The following ANKRD55 variants were observed in gnomAD, a reference collection of about 807,000 sequenced individuals.
ANKRD55 encodes ankyrin repeat domain 55.
In ANKRD55, 41 loss-of-function variants were observed where a neutral mutation model predicts 60.6. The ratio of observed to expected loss-of-function variants is 0.68; its 90% CI spans 0.53 to 0.88. The LOEUF is 0.88. Among genes scored for constraint, ANKRD55 ranks in the 40% least tolerant of loss-of-function variants. The probability of loss-of-function intolerance (pLI) is 0.00; values close to 1 mark genes in which losing one functional copy is unlikely to be tolerated. For missense variants in ANKRD55, 732 were observed against 767.6 expected (o/e 0.95, Z 0.55); for synonymous variants, 264 against 290.3 (o/e 0.91, Z 0.92).
chr5:56,184,411 A>T (rs1200866896), intron 2 of ANKRD55, among the ~76,000 whole-genome samples: 1 of 152,194 alleles, frequency 6.6e-6, no homozygotes, highest in East Asian at 1.9e-4. Context: ...GAGCTTCAGC[A>T]TCCCTAGTTC....
chr5:56,167,781 G>A (rs1328317446), intron 5 of ANKRD55, among the ~76,000 whole-genome samples: 1 of 152,148 alleles, frequency 6.6e-6, no homozygotes, highest in Non-Finnish European at 1.5e-5. Flanking sequence ...TGCTCTCCTA[G>A]TTATAGCAAC....
chr5:56,123,239 G>C (rs1757132386), intron 8 of ANKRD55, among the ~76,000 whole-genome samples: 2 of 152,096 alleles, frequency 1.3e-5, no homozygotes, highest in Non-Finnish European at 2.9e-5. Context: ...TCTCAGGCCT[G>C]GAGGCAGCCT....
chr5:56,161,970 G>A, intron 5 of ANKRD55: 1 of 985,328 alleles, frequency 1.0e-6, no homozygotes, highest in Non-Finnish European at 1.2e-6. Context: ...GTGAGTGGGG[G>A]CAGGGCTTAC....
chr5:56,148,264 G>A (rs1448542776), intron 6 of ANKRD55, among the ~76,000 whole-genome samples: 4 of 152,178 alleles, frequency 2.6e-5, no homozygotes, highest in African/African-American at 9.7e-5. Flanking sequence ...TTCACTGAGG[G>A]ATAAACTGAG....
Position 56,102,483 on chromosome 5 carries a change from A to G in ANKRD55, c.1723+11T>C. 5.7e-6 allele frequency: 9 copies of G among 1,580,014 alleles called. No homozygotes were observed. The highest frequency in any genetic ancestry group is 7.8e-6 in the Non-Finnish European group (9 of 1,149,818). ...TTGCAAAGGAAGCTGCGGAAGATTC[A>G]TAATACTTACATTTTTGATCTGGTA... On this transcript the variant is annotated intron_variant, in intron 11 of 11. Coordinates refer to ENST00000341048, the MANE Select transcript of ANKRD55 (RefSeq NM_024669.3).
intron 9 of ANKRD55, among the ~76,000 whole-genome samples, chr5:56,112,734 C>T (rs1004335529): frequency 6.6e-6 from 1 of 152,130 alleles, no homozygotes; most frequent in Non-Finnish European, 1.5e-5. Flanking sequence ...TTTGAGGCTC[C>T]AATTGACTTA....
At chr5:56,135,243 CT>C in intron 7 of ANKRD55, among the ~76,000 whole-genome samples, 1 of 84,368 alleles carries the variant, frequency 1.2e-5, no homozygotes, top group Non-Finnish European at 2.9e-5. Flanking sequence ...TCCTTCCTTC[CT>C]TCCTTCCTTC....
chr5:56,188,686 T>G (rs1440804712), intron 2 of ANKRD55, among the ~76,000 whole-genome samples: 2 of 152,228 alleles, frequency 1.3e-5, no homozygotes, highest in Non-Finnish European at 2.9e-5. Flanking sequence ...GTGGCTGTTT[T>G]TATGCCAGTA....
chr5:56,163,668 C>T (rs540251521), intron 5 of ANKRD55, among the ~76,000 whole-genome samples: 5 of 152,282 alleles, frequency 3.3e-5, no homozygotes, highest in Middle Eastern at 3.4e-3. Context: ...TGACCTTGGG[C>T]GAGCTCCCAG....
chr5:56,166,117 T>TCTTCTTTCTTTCTTTCTTTCTTC (rs1561277711), intron 5 of ANKRD55, among the ~76,000 whole-genome samples: 5 of 85,354 alleles, frequency 5.9e-5, no homozygotes, highest in Non-Finnish European at 1.1e-4. Context: ...TTTCTTTCTT[T>TCTTCTTTCTTTCTTTCTTTCTTC]CTTTCTTTCT....
chr5:56,144,053 C>A, intron 6 of ANKRD55, 124 bp from the exon 7 acceptor site: 1 of 1,118,128 alleles, frequency 8.9e-7, no homozygotes, highest in Non-Finnish European at 1.3e-6. Context: ...CCTGCTGGTT[C>A]ATTCATTCAT....
chr5:56,131,335 A>G (rs1757405398), intron 7 of ANKRD55, among the ~76,000 whole-genome samples: 1 of 152,202 alleles, frequency 6.6e-6, no homozygotes, highest in Non-Finnish European at 1.5e-5. Flanking sequence ...ACAAGCAAGA[A>G]GAGACTGGAG....
At position 56,220,748 on chromosome 5, in the gene ANKRD55, G is replaced by A. The variant is rs535333609; in HGVS notation, c.58+12108C>T. Among the ~76,000 whole-genome samples, 3 of 152,306 alleles carry A rather than the reference G, an allele frequency of 2.0e-5. 1 individual carries two copies. Among genetic ancestry groups the A allele is most frequent in the South Asian group, 4.1e-4 (2 of 4,826 alleles). On this transcript the variant is annotated intron_variant, in intron 2 of 11. Transcript: ENST00000341048. ...GAACTGCTTGAACCCAGGAGGCAGA[G>A]GTTGCAGTGAGCCAAGACCATGCCA...
Position 56,116,745 on chromosome 5 carries a change from C to T in ANKRD55, c.835G>A (p.Glu279Lys), listed in dbSNP as rs146546015. The T allele has an allele frequency of 9.0e-3, 14,567 of 1,613,448 alleles. 91 individuals carry two copies. The highest frequency in any genetic ancestry group is 9.4e-3 in the Non-Finnish European group (11,051 of 1,179,714). ...LHWAAAAGKA[E>K]CVQSLLELGM... ...AACTCCAGCAGTGACTGGACACATT[C>T]GGCCTTCCCTGCAGCTGCAGCCCAG... The change falls in exon 9 of 12, where the codon GAA becomes AAA. Residue 279 changes from glutamate to lysine, a missense_variant. This residue lies in a region of ANKRD55 where 597 missense variants were observed against 607.5 expected (regional missense o/e 0.98). Coordinates refer to ENST00000341048, the MANE Select transcript of ANKRD55 (RefSeq NM_024669.3).
At chr5:56,143,372 G>A (rs1230635999) in intron 7 of ANKRD55, among the ~76,000 whole-genome samples, 1 of 152,106 alleles carries the variant, frequency 6.6e-6, no homozygotes, top group Admixed American at 6.6e-5. Flanking sequence ...AGTGATGCAG[G>A]GTCATGAGCC....
rs114709218 is a variant in ANKRD55 at position 56,197,891 on chromosome 5, G to A, written c.59-14257C>T. ...GAGTATTAATTTTTCACTTCTTTGA[G>A]ACTGTCAAACCATAGTTATTAGCAG... On this transcript the variant is annotated intron_variant, in intron 2 of 11. Coordinates refer to ENST00000341048, the MANE Select transcript of ANKRD55 (RefSeq NM_024669.3). 6.5e-3 allele frequency among the ~76,000 whole-genome samples: 985 copies of A among 152,270 alleles called. 8 individuals carry two copies. Among genetic ancestry groups the A allele is most frequent in the African/African-American group, 0.022 (931 of 41,554 alleles).
At chr5:56,161,214 A>G (rs952354594) in intron 5 of ANKRD55, among the ~76,000 whole-genome samples, 7 of 151,900 alleles carry the variant, frequency 4.6e-5, no homozygotes, top group East Asian at 1.9e-4. Flanking sequence ...AGGTCTGGAG[A>G]AGCCCAGCTT....
chr5:56,228,032 G>A (rs77795838), intron 2 of ANKRD55, among the ~76,000 whole-genome samples: 5,971 of 152,234 alleles, frequency 0.039, 152 homozygotes, highest in African/African-American at 0.074. Context: ...ACAGTGTTGC[G>A]TGCTTTCTGG....
At chr5:56,167,174 G>T (rs370216305) in intron 5 of ANKRD55, among the ~76,000 whole-genome samples, 2 of 152,296 alleles carry the variant, frequency 1.3e-5, no homozygotes, top group South Asian at 2.1e-4. Context: ...GAAATGTGTC[G>T]TTTGGCGATT....
Sources: gnomAD v4.1 joint callset for allele counts (sites outside exome capture counted in the v4.1 genomes callset) on GRCh38, gnomAD v4.1.1 for gene constraint, gnomAD v4.1.1 regional missense constraint, MANE v1.5 for transcripts, NCBI Gene and HGNC (gene_info 2026-07-23, HGNC 2026-07-21) for gene names.